CNTNAP2: variants seen among roughly 807,000 people sequenced by gnomAD.
The protein encoded by CNTNAP2 is contactin-associated protein-like 2.
A neutral mutation model predicts 155.2 loss-of-function variants in CNTNAP2; 98 were observed. That is an observed-to-expected ratio of 0.63 (90% CI 0.54 to 0.75). CNTNAP2 has a LOEUF of 0.75. CNTNAP2 is among the 30% of genes least tolerant of loss of function. The probability of loss-of-function intolerance (pLI) is 0.00; values close to 1 mark genes in which losing one functional copy is unlikely to be tolerated. For synonymous variants in CNTNAP2, 651 were observed against 631.2 expected (o/e 1.03, Z -0.47); for missense variants, 1,727 against 1,688.1 (o/e 1.02, Z -0.40).
chr7:147,121,335 A>G (rs1801107334), intron 6 of CNTNAP2, 172 bp downstream of exon 6: 1 of 632,140 alleles, frequency 1.6e-6, no homozygotes, highest in Non-Finnish European at 2.6e-6. Flanking sequence ...TTATTTCTAA[A>G]TTTATAATCA....
At chr7:147,124,990 C>G (rs772258779) in intron 6 of CNTNAP2, among the ~76,000 whole-genome samples, 1 of 148,662 alleles carries the variant, frequency 6.7e-6, no homozygotes, top group Non-Finnish European at 1.5e-5. Flanking sequence ...AAGTGATTCT[C>G]CTGGCTCAGC....
intron 21 of CNTNAP2, among the ~76,000 whole-genome samples, chr7:148,301,440 A>G (rs1797390985): frequency 6.6e-6 from 1 of 151,298 alleles, no homozygotes; most frequent in Non-Finnish European, 1.5e-5. Flanking sequence ...ATAAATGTGT[A>G]GAAACAGATG....
chr7:148,162,036 G>T (rs549269010), intron 17 of CNTNAP2, among the ~76,000 whole-genome samples: 100 of 152,328 alleles, frequency 6.6e-4, no homozygotes, highest in Non-Finnish European at 1.1e-3. Flanking sequence ...TGTATGTGAA[G>T]TCTGAGAGTG....
chr7:146,774,405 A>G, intron 2 of CNTNAP2, 24 bp downstream of exon 2: 4 of 1,464,848 alleles, frequency 2.7e-6, no homozygotes, highest in Non-Finnish European at 3.8e-6. Context: ...TGATTCTTTT[A>G]TCAATAAACA....
chr7:148,415,274 C>CAT (rs1184179938), intron 23 of CNTNAP2, 143 bp from the exon 24 acceptor site: 2 of 878,406 alleles, frequency 2.3e-6, no homozygotes, highest in East Asian at 5.3e-5. Context: ...CATCTTACTT[C>CAT]ATTTTTGTTA....
intron 1 of CNTNAP2, among the ~76,000 whole-genome samples, chr7:146,350,259 A>C (rs1389161993): frequency 6.6e-6 from 1 of 152,162 alleles, no homozygotes; most frequent in Non-Finnish European, 1.5e-5. Context: ...AGTTGATCGA[A>C]AATTTTTGCA....
At chr7:146,924,534 G>A (rs1273171013) in intron 3 of CNTNAP2, among the ~76,000 whole-genome samples, 1 of 152,088 alleles carries the variant, frequency 6.6e-6, no homozygotes, top group Non-Finnish European at 1.5e-5. Context: ...GGTCAGCAGA[G>A]GAGACTTCTT....
chr7:146,610,804 C>T (rs1799124366), intron 1 of CNTNAP2, among the ~76,000 whole-genome samples: 1 of 152,154 alleles, frequency 6.6e-6, no homozygotes, highest in Non-Finnish European at 1.5e-5. Flanking sequence ...GTAAACCTAT[C>T]CTGAATTGGA....
At chr7:146,910,280 TC>T (rs1796243115) in intron 3 of CNTNAP2, among the ~76,000 whole-genome samples, 1 of 149,676 alleles carries the variant, frequency 6.7e-6, no homozygotes, top group Non-Finnish European at 1.5e-5. Context: ...CCAATGACTT[TC>T]TTCACAGAAT....
At chr7:146,372,793 G>A (rs149026701) in intron 1 of CNTNAP2, among the ~76,000 whole-genome samples, 39 of 152,252 alleles carry the variant, frequency 2.6e-4, no homozygotes, top group African/African-American at 9.4e-4. Flanking sequence ...CTAAGGATGC[G>A]AAGAGAGAGA....
rs544554184 is a variant in CNTNAP2 at position 146,171,681 on chromosome 7, A to G, written c.97+54708A>G. Among the ~76,000 whole-genome samples the G allele has an allele frequency of 5.4e-4, 82 of 152,266 alleles. No individual in the cohort carries two copies. The East Asian group carries it at 0.013, about 23-fold the overall frequency. ...GGAATTTTCTTTGGCCAAAATTTCT[A>G]TTAATATGTAAAAGAAAAGATGTGT... On this transcript the variant is annotated intron_variant, in intron 1 of 23. Transcript: ENST00000361727.
At chr7:147,684,363 C>T (rs1795990069) in intron 13 of CNTNAP2, among the ~76,000 whole-genome samples, 1 of 151,674 alleles carries the variant, frequency 6.6e-6, no homozygotes, top group African/African-American at 2.4e-5. Context: ...TTTCTACCCC[C>T]AAAATTATTA....
intron 21 of CNTNAP2, among the ~76,000 whole-genome samples, chr7:148,287,376 A>T (rs1322628980): frequency 6.6e-6 from 1 of 152,208 alleles, no homozygotes; most frequent in East Asian, 1.9e-4. Flanking sequence ...AAACAAAAAC[A>T]ATTGTTCAGC....
At chr7:146,789,448 ATAAT>A (rs1802632750) in intron 2 of CNTNAP2, among the ~76,000 whole-genome samples, 6 of 152,138 alleles carry the variant, frequency 3.9e-5, no homozygotes, top group Non-Finnish European at 7.4e-5. Context: ...TCTGTTTTAA[ATAAT>A]CTGAAAGTAA....
intron 14 of CNTNAP2, among the ~76,000 whole-genome samples, chr7:147,950,095 C>A (rs1882687): frequency 0.22 from 33,335 of 151,768 alleles, 3,906 homozygotes; most frequent in Middle Eastern, 0.32. Context: ...GATAGCCCTG[C>A]AGAATCCTGG....
intron 13 of CNTNAP2, among the ~76,000 whole-genome samples, chr7:147,785,461 G>A (rs2116563536): frequency 6.6e-6 from 1 of 152,244 alleles, no homozygotes; most frequent in South Asian, 2.1e-4. Flanking sequence ...AGAATAATAG[G>A]TGGGAAAGCC....
intron 4 of CNTNAP2, among the ~76,000 whole-genome samples, chr7:147,078,584 C>T (rs1042053843): frequency 6.6e-6 from 1 of 152,006 alleles, no homozygotes; most frequent in African/African-American, 2.4e-5. Flanking sequence ...TTGATGCCTG[C>T]AGGTTCCATT....
chr7:146,615,634 C>T (rs1460972643), intron 1 of CNTNAP2, among the ~76,000 whole-genome samples: 1 of 152,210 alleles, frequency 6.6e-6, no homozygotes, highest in Admixed American at 6.5e-5. Flanking sequence ...GAAGGCTTTT[C>T]TGGCCAAGGT....
chr7:147,660,490 T>C (rs572242869), intron 13 of CNTNAP2, among the ~76,000 whole-genome samples: 41 of 152,228 alleles, frequency 2.7e-4, no homozygotes, highest in Non-Finnish European at 4.1e-4. Flanking sequence ...CCAGAAAGAC[T>C]CTGACACCAG....
Sources: gnomAD v4.1 joint callset for allele counts (sites outside exome capture counted in the v4.1 genomes callset) on GRCh38, gnomAD v4.1.1 for gene constraint, MANE v1.5 for transcripts, NCBI Gene and HGNC (gene_info 2026-07-23, HGNC 2026-07-21) for gene names.